Variants in OR51B5 observed in about 807,000 individuals in gnomAD.
The protein encoded by OR51B5 is olfactory receptor family 51 subfamily B member 5.
For missense variants in OR51B5, 456 were observed against 374.6 expected, an observed-to-expected ratio of 1.22 and a Z score of -1.79; for synonymous variants, 186 against 144.8, an observed-to-expected ratio of 1.28 and a Z score of -2.04.
intron 1 of OR51B5, chr11:5,453,600 G>A (rs1651774496): frequency 1.2e-6 from 2 of 1,613,476 alleles, no homozygotes; most frequent in Admixed American, 3.3e-5. Flanking sequence ...GTATGCTGTG[G>A]CCCTTGGGGG....
intron 1 of OR51B5, among the ~76,000 whole-genome samples, chr11:5,480,747 A>G (rs1486827675): frequency 2.7e-5 from 4 of 150,072 alleles, no homozygotes; most frequent in African/African-American, 9.8e-5. Context: ...GAAATAAACT[A>G]GAAAATCTAG....
intron 1 of OR51B5, among the ~76,000 whole-genome samples, chr11:5,481,938 A>G (rs931903011): frequency 1.5e-5 from 2 of 129,950 alleles, no homozygotes; most frequent in Admixed American, 1.6e-4. Context: ...GCCCAAGGTA[A>G]TTTACAGATT....
At chr11:5,429,908 A>G (rs562231886) in intron 1 of OR51B5, among the ~76,000 whole-genome samples, 215 of 152,242 alleles carry the variant, frequency 1.4e-3, no homozygotes, top group African/African-American at 5.0e-3. Flanking sequence ...GACATTGTTC[A>G]TATTTTATTT....
chr11:5,425,788 G>A (rs1410341476), intron 1 of OR51B5, among the ~76,000 whole-genome samples: 1 of 152,080 alleles, frequency 6.6e-6, no homozygotes, highest in African/African-American at 2.4e-5. Flanking sequence ...TATTTAAGAG[G>A]ACATAAGATT....
chr11:5,434,636 T>C (rs1052782109), intron 1 of OR51B5, among the ~76,000 whole-genome samples: 1 of 151,004 alleles, frequency 6.6e-6, no homozygotes, highest in African/African-American at 2.5e-5. Context: ...CGAAGGACCA[T>C]GAAAAGAGGA....
intron 1 of OR51B5, chr11:5,423,069 A>AC (rs1479735701): frequency 1.2e-6 from 2 of 1,614,104 alleles, no homozygotes; most frequent in African/African-American, 2.7e-5. Context: ...CCGGTGATGA[A>AC]CCCCATCATT....
At chr11:5,501,863 C>T (rs112263363) in intron 1 of OR51B5, among the ~76,000 whole-genome samples, 15 of 140,334 alleles carry the variant, frequency 1.1e-4, no homozygotes, top group African/African-American at 3.5e-4. Context: ...GTTTGCTGCA[C>T]CCATGAACTG....
chr11:5,438,539 CTG>C (rs1850624310), intron 1 of OR51B5, among the ~76,000 whole-genome samples: 1 of 152,184 alleles, frequency 6.6e-6, no homozygotes, highest in African/African-American at 2.4e-5. Flanking sequence ...GTGACCAACT[CTG>C]TGCTGAGTGC....
At chr11:5,382,443 A>G (rs1455644083) in intron 1 of OR51B5, among the ~76,000 whole-genome samples, 1 of 152,170 alleles carries the variant, frequency 6.6e-6, no homozygotes, top group Non-Finnish European at 1.5e-5. Flanking sequence ...TTGCGCTAAG[A>G]TAGTTGTTTT....
intron 1 of OR51B5, among the ~76,000 whole-genome samples, chr11:5,439,423 G>A (rs1190579580): frequency 6.6e-6 from 1 of 152,116 alleles, no homozygotes; most frequent in Non-Finnish European, 1.5e-5. Context: ...TCATTCACAA[G>A]TTTACTTCAG....
At chr11:5,358,499 T>C (rs1183990468) in intron 1 of OR51B5, among the ~76,000 whole-genome samples, 1 of 152,076 alleles carries the variant, frequency 6.6e-6, no homozygotes, top group African/African-American at 2.4e-5. Context: ...AGGCAATAAT[T>C]AATAGCTTAC....
At chr11:5,451,665 T>C (rs1201331777) in intron 1 of OR51B5, among the ~76,000 whole-genome samples, 1 of 152,320 alleles carries the variant, frequency 6.6e-6, no homozygotes, top group East Asian at 1.9e-4. Flanking sequence ...ACAACCTCTG[T>C]TACTTTTAGA....
intron 1 of OR51B5, among the ~76,000 whole-genome samples, chr11:5,477,058 G>A (rs1040602920): frequency 2.0e-5 from 3 of 152,028 alleles, no homozygotes; most frequent in African/African-American, 7.3e-5. Context: ...TAGATCTTAA[G>A]TGTTTTCATC....
intron 1 of OR51B5, among the ~76,000 whole-genome samples, chr11:5,459,316 T>A (rs1245065488): frequency 6.6e-6 from 1 of 152,150 alleles, no homozygotes; most frequent in Non-Finnish European, 1.5e-5. Flanking sequence ...AACTTGCTTA[T>A]AGGGGATTAG....
At position 5,483,554 on chromosome 11, in the gene OR51B5, T is replaced by TAAA. The variant is rs199621709; in HGVS notation, n.84+22012_84+22014dup. On this transcript the variant is annotated intron_variant and non_coding_transcript_variant, in intron 1 of 4. Coordinates refer to the OR51B5 transcript ENST00000415970. ...GAAAAGAAAGAGTAGAAAGTACAGC[T>TAAA]AAAAAAAAAAAGAAGAGAAAAGGAA... is the stretch of plus-strand genomic sequence containing the variant. Among the ~76,000 whole-genome samples the TAAA allele has an allele frequency of 1.3e-3, 174 of 132,756 alleles. 7 individuals are homozygous for TAAA. In the South Asian group the frequency reaches 0.042, roughly 32 times the overall value. The allele number at this position is 132,756 out of a possible 152,430, so 87.1% of individuals were successfully genotyped here.
At chr11:5,354,110 A>G (rs1367251371) in intron 1 of OR51B5, among the ~76,000 whole-genome samples, 3 of 152,224 alleles carry the variant, frequency 2.0e-5, no homozygotes, top group Non-Finnish European at 4.4e-5. Context: ...CATTAAAATG[A>G]ATAAATAAAA....
chr11:5,482,257 A>C lies in OR51B5; in HGVS notation n.84+23312T>G, dbSNP rs897578991. Among the ~76,000 whole-genome samples the C allele has an allele frequency of 7.0e-5, 6 of 86,230 alleles. 2 individuals are homozygous for C. In the Admixed American group the frequency reaches 7.5e-4, roughly 11 times the overall value. 56.6% of individuals were successfully genotyped at this position (86,230 alleles called of 152,430 possible). ...CCTGACAAAAACAAGCAATGGGGAA[A>C]GGATTCCCTATTTAATAAATGGTGC... On this transcript the variant is annotated intron_variant and non_coding_transcript_variant, in intron 1 of 4. Transcript: ENST00000415970.
At chr11:5,439,453 G>T (rs1240081604) in intron 1 of OR51B5, among the ~76,000 whole-genome samples, 2 of 152,102 alleles carry the variant, frequency 1.3e-5, no homozygotes, top group Non-Finnish European at 1.5e-5. Context: ...AAGACCTTGT[G>T]CCCCAGTGTC....
At position 5,426,700 on chromosome 11, in the gene OR51B5, A is replaced by T. The variant is rs1117596; in HGVS notation, n.84+78869T>A. Among the ~76,000 whole-genome samples the T allele has an allele frequency of 3.6e-3, 553 of 152,288 alleles. 10 individuals carry two copies. Among genetic ancestry groups the T allele is most frequent in the Admixed American group, 0.033 (509 of 15,290 alleles). On this transcript the variant is annotated intron_variant and non_coding_transcript_variant, in intron 1 of 4. Transcript: ENST00000415970. ...GAGTGCTTTAAATTAAACAAAACTG[A>T]AAGTCCTTATAAATAAGCCTCAAAA...
Sources: allele counts gnomAD v4.1 joint callset (sites outside exome capture counted in the v4.1 genomes callset), GRCh38; gene constraint gnomAD v4.1.1; transcripts MANE v1.5; gene names NCBI Gene and HGNC (gene_info 2026-07-23, HGNC 2026-07-21).